TBL1XR1: variants seen among roughly 807,000 people sequenced by gnomAD.
TBL1XR1 encodes TBL1X/Y related 1.
TBL1XR1 carries 5 observed loss-of-function variants against 66.9 expected under a neutral mutation model. The observed-to-expected ratio is 0.07, with a 90% CI of 0.04 to 0.16. TBL1XR1 has a LOEUF of 0.16. TBL1XR1 is among the 10% of genes least tolerant of loss of function. The probability of loss-of-function intolerance (pLI) is 1.00; values close to 1 mark genes in which losing one functional copy is unlikely to be tolerated. For synonymous variants in TBL1XR1, 210 were observed against 206.0 expected (o/e 1.02, Z -0.17); for missense variants, 238 against 623.2 (o/e 0.38, Z 6.58).
intron 1 of TBL1XR1, among the ~76,000 whole-genome samples, chr3:177,144,112 C>T (rs766031596): frequency 6.6e-6 from 1 of 152,076 alleles, no homozygotes; most frequent in South Asian, 2.1e-4. Flanking sequence ...GGGCATGGTG[C>T]TATATGCCTG....
chr3:177,154,674 C>T (rs927013636), intron 1 of TBL1XR1, among the ~76,000 whole-genome samples: 1 of 152,252 alleles, frequency 6.6e-6, no homozygotes, highest in South Asian at 2.1e-4. Flanking sequence ...AGATTACAGG[C>T]ATGAGCCACC....
chr3:177,053,640 T>C (rs1280380489), intron 4 of TBL1XR1, 133 bp downstream of exon 4: 2 of 822,800 alleles, frequency 2.4e-6, no homozygotes, highest in East Asian at 2.7e-5. Flanking sequence ...ACTACCACAT[T>C]AGGGATGAAC....
chr3:177,132,427 T>C (rs939540163), intron 1 of TBL1XR1, among the ~76,000 whole-genome samples: 22 of 152,192 alleles, frequency 1.4e-4, no homozygotes, highest in Non-Finnish European at 2.9e-5. Flanking sequence ...TGAAAGCACT[T>C]GCTTTAAGTA....
chr3:177,069,177 G>A (rs1357449198), intron 2 of TBL1XR1, among the ~76,000 whole-genome samples: 1 of 152,152 alleles, frequency 6.6e-6, no homozygotes, highest in African/African-American at 2.4e-5. Context: ...GTCAGTATAT[G>A]TCACAGAGTT....
intron 1 of TBL1XR1, among the ~76,000 whole-genome samples, chr3:177,181,248 G>A (rs1421303511): frequency 6.6e-6 from 1 of 152,072 alleles, no homozygotes; most frequent in Non-Finnish European, 1.5e-5. Flanking sequence ...GGGAGGCCAC[G>A]GTGGGTGGAT....
chr3:177,194,707 C>T (rs1411673109), intron 1 of TBL1XR1, among the ~76,000 whole-genome samples: 2 of 152,128 alleles, frequency 1.3e-5, no homozygotes, highest in Non-Finnish European at 2.9e-5. Context: ...CTTCTGTTAG[C>T]TTGAAAGGCT....
chr3:177,101,221 C>A lies in TBL1XR1; in HGVS notation c.-121-2680G>T, dbSNP rs144098841. ...ATTAGATCATAGCAAGTGAAGAGTT[C>A]ACTCTTGTAGTTTAAGTACTGGCTC... On this transcript the variant is annotated intron_variant, in intron 1 of 15. Transcript: ENST00000457928. Among the ~76,000 whole-genome samples the A allele has an allele frequency of 7.9e-4, 121 of 152,270 alleles. 2 individuals are homozygous for A. In the East Asian group the frequency reaches 0.02, roughly 25 times the overall value.
At chr3:177,090,375 T>TAAAATG (rs1200851117) in intron 2 of TBL1XR1, among the ~76,000 whole-genome samples, 1 of 151,274 alleles carries the variant, frequency 6.6e-6, no homozygotes, top group Non-Finnish European at 1.5e-5. Flanking sequence ...ATACTAAAAA[T>TAAAATG]AAAATGAAAC....
chr3:177,149,015 AAAGAAAAG>A (rs1730574159), intron 1 of TBL1XR1, among the ~76,000 whole-genome samples: 1 of 150,122 alleles, frequency 6.7e-6, no homozygotes, highest in Non-Finnish European at 1.5e-5. Flanking sequence ...AAAAAAAAGA[AAAGAAAAG>A]AAAAGAAAAA....
intron 1 of TBL1XR1, among the ~76,000 whole-genome samples, chr3:177,107,236 TTA>T (rs1275225847): frequency 2.0e-5 from 3 of 152,220 alleles, no homozygotes; most frequent in South Asian, 2.1e-4. Flanking sequence ...TTCTGAAATG[TTA>T]TGTTTCTATT....
chr3:177,177,720 C>A (rs1168414771), intron 1 of TBL1XR1, among the ~76,000 whole-genome samples: 1 of 152,162 alleles, frequency 6.6e-6, no homozygotes, highest in Non-Finnish European at 1.5e-5. Context: ...CAATTTAAGA[C>A]TACCAGCTAA....
chr3:177,126,027 AAC>A (rs1183905802), intron 1 of TBL1XR1: 33 of 152,370 alleles, frequency 2.2e-4, no homozygotes, highest in African/African-American at 7.5e-4. Flanking sequence ...AAAAATATGA[AAC>A]ACTTTGTAAA....
At chr3:177,038,713 G>A (rs1029488039) in intron 10 of TBL1XR1, among the ~76,000 whole-genome samples, 1 of 152,094 alleles carries the variant, frequency 6.6e-6, no homozygotes, top group African/African-American at 2.4e-5. Flanking sequence ...CTGGCTCTGT[G>A]GGTCTTGGGT....
intron 1 of TBL1XR1, among the ~76,000 whole-genome samples, chr3:177,133,310 AAAAT>A (rs1318891961): frequency 2.0e-5 from 3 of 152,108 alleles, no homozygotes; most frequent in Non-Finnish European, 2.9e-5. Context: ...ATAAATAAAT[AAAAT>A]AAATAAACGA....
At chr3:177,039,204 G>GA (rs1277933312) in intron 10 of TBL1XR1, among the ~76,000 whole-genome samples, 5 of 151,136 alleles carry the variant, frequency 3.3e-5, no homozygotes, top group African/African-American at 7.3e-5. Context: ...TCCGAAATCA[G>GA]AAAAAAAATA....
intron 1 of TBL1XR1, among the ~76,000 whole-genome samples, chr3:177,191,664 C>T (rs1736157675): frequency 6.6e-6 from 1 of 152,168 alleles, no homozygotes; most frequent in Admixed American, 6.5e-5. Flanking sequence ...ACTATCTAGA[C>T]AGCATCTGAT....
chr3:177,159,173 A>G (rs1409933143), intron 1 of TBL1XR1, among the ~76,000 whole-genome samples: 2 of 152,144 alleles, frequency 1.3e-5, no homozygotes, highest in East Asian at 1.9e-4. Context: ...AAAAGAGAGA[A>G]ATCAGTTTCT....
rs1712693074 is a variant in TBL1XR1 at position 177,023,719 on chromosome 3, A to C, written c.*1779T>G. The stretch of plus-strand genomic sequence containing the variant: ...GTTTTGTAAAAATAGCAAAGCAACG[A>C]ATGCTGAAATCAATCAAAGCTGCAT... On this transcript the variant is annotated 3_prime_UTR_variant, in exon 16 of 16. Transcript: ENST00000457928. The C allele has an allele frequency of 6.6e-6, 1 of 152,532 alleles. No homozygotes were observed. The highest frequency in any genetic ancestry group is 6.6e-5 in the Admixed American group (1 of 15,260). 9.4% of individuals were successfully genotyped at this position (152,532 alleles called of 1,614,324 possible).
intron 1 of TBL1XR1, among the ~76,000 whole-genome samples, chr3:177,100,433 T>C (rs941877610): frequency 6.6e-6 from 1 of 152,150 alleles, no homozygotes; most frequent in African/African-American, 2.4e-5. Flanking sequence ...ATGTACTTTT[T>C]TTTTTTTTGA....
Sources: allele counts gnomAD v4.1 joint callset (sites outside exome capture counted in the v4.1 genomes callset), GRCh38; gene constraint gnomAD v4.1.1; transcripts MANE v1.5; gene names NCBI Gene and HGNC (gene_info 2026-07-23, HGNC 2026-07-21).